Variants in UBE2O observed in about 807,000 individuals in gnomAD.
UBE2O encodes the protein (E3-independent) E2 ubiquitin-conjugating enzyme.
Under a neutral mutation model 125.8 loss-of-function variants are expected in UBE2O, and 15 were observed. That is an observed-to-expected ratio of 0.12 (90% CI 0.08 to 0.18). UBE2O has a LOEUF of 0.18. Among genes scored for constraint, UBE2O ranks in the 10% least tolerant of loss-of-function variants. The pLI is 1.00. For synonymous variants in UBE2O, 708 were observed against 703.2 expected (o/e 1.01, Z -0.11); for missense variants, 1,280 against 1,723.6 (o/e 0.74, Z 4.56).
intron 1 of UBE2O, among the ~76,000 whole-genome samples, chr17:76,420,436 G>A (rs115768156): frequency 6.6e-5 from 10 of 152,078 alleles, no homozygotes; most frequent in African/African-American, 2.4e-4. Flanking sequence ...TGTGATTTTA[G>A]ATCAATCCCA....
intron 1 of UBE2O, among the ~76,000 whole-genome samples, chr17:76,434,792 T>A (rs1290623200): frequency 2.0e-5 from 3 of 150,698 alleles, no homozygotes; most frequent in South Asian, 2.1e-4. Context: ...TTTTTTTTTT[T>A]TTAAAAAAAC....
intron 1 of UBE2O, among the ~76,000 whole-genome samples, chr17:76,440,492 T>A (rs1408332086): frequency 6.6e-6 from 1 of 152,134 alleles, no homozygotes; most frequent in Non-Finnish European, 1.5e-5. Flanking sequence ...CACGCTAAGA[T>A]GATTTCTGTA....
At chr17:76,392,588 C>T (rs1408484232) in intron 15 of UBE2O, among the ~76,000 whole-genome samples, 1 of 152,052 alleles carries the variant, frequency 6.6e-6, no homozygotes, top group Non-Finnish European at 1.5e-5. Context: ...ATCATTGAAC[C>T]CTGGCTAAGA....
chr17:76,431,143 G>A lies in UBE2O; in HGVS notation c.417+21582C>T, dbSNP rs766070466. ...CCTCCATGGTTCCAGCCAAAAAAGA[G>A]GCAACCGGAGGTTTTTAATCTTTGT... On this transcript the variant is annotated intron_variant, in intron 1 of 17. Transcript: ENST00000319380. 1.9e-4 allele frequency: 32 copies of A among 169,106 alleles called. 1 individual carries two copies. In the South Asian group the frequency reaches 4.6e-3, roughly 24 times the overall value. 10.5% of individuals were successfully genotyped at this position (169,106 alleles called of 1,614,324 possible).
intron 1 of UBE2O, among the ~76,000 whole-genome samples, chr17:76,435,985 G>T (rs188980084): frequency 6.6e-6 from 1 of 152,358 alleles, no homozygotes; most frequent in Non-Finnish European, 1.5e-5. Flanking sequence ...GGTGGCTCAC[G>T]CCTGTAATCC....
chr17:76,391,373 G>A lies in UBE2O; in HGVS notation c.3449C>T (p.Ala1150Val), dbSNP rs756000381. ...NRIESWLETH[A>V]LLEKAQALPN... ...CAGTGCCTGGGCCTTCTCCAGCAGGGCATGGGTTTCCAGCCAGGACTCGAT... is the reference window on the plus strand; with the variant it reads ...CAGTGCCTGGGCCTTCTCCAGCAGGACATGGGTTTCCAGCCAGGACTCGAT... Residue 1150 changes from alanine (A) to valine (V), a missense_variant, in exon 18 of 18, where the codon GCC becomes GTC. Transcript: ENST00000319380. The surrounding 1 kb of genome is among the most constrained non-coding windows in gnomAD (Gnocchi z 8.4). 15 of 1,613,156 alleles carry A rather than the reference G, an allele frequency of 9.3e-6. No individual in the cohort carries two copies. In the Middle Eastern group the frequency reaches 6.6e-4, roughly 71 times the overall value.
In UBE2O at chr17:76,452,291, A is replaced by AC. The variant is rs1173575338; in HGVS notation, c.417+433dup. ...CCTCTATCTTTGTTTTGGAATGCCCACAACCCCTCCCTGCACGGACCCGGC... is the reference window on the plus strand; with the variant it reads ...CCTCTATCTTTGTTTTGGAATGCCCACCAACCCCTCCCTGCACGGACCCGGC... On this transcript the variant is annotated intron_variant, in intron 1 of 17. Coordinates refer to ENST00000319380, the MANE Select transcript of UBE2O (RefSeq NM_022066.4). The surrounding 1 kb of genome is among the most constrained non-coding windows in gnomAD (Gnocchi z 4.4). Among the ~76,000 whole-genome samples the AC allele has an allele frequency of 6.6e-6, 1 of 152,202 alleles. No individual in the cohort carries two copies. The highest frequency in any genetic ancestry group is 1.5e-5 in the Non-Finnish European group (1 of 68,036).
chr17:76,399,138 A>G lies in UBE2O; in HGVS notation c.1629-147T>C, dbSNP rs2143698900. 9.0e-7 allele frequency: 1 copy of G among 1,115,372 alleles called. No individual in the cohort carries two copies. Among genetic ancestry groups the G allele is most frequent in the Non-Finnish European group, 1.2e-6 (1 of 800,096 alleles). The allele number at this position is 1,115,372 out of a possible 1,614,324, so 69.1% of individuals were successfully genotyped here. A position where few individuals can be genotyped will look rare whatever the true frequency, so the allele number is the denominator to read the frequency against. On this transcript the variant is annotated intron_variant, in intron 9 of 17. Coordinates refer to ENST00000319380, the MANE Select transcript of UBE2O (RefSeq NM_022066.4). The surrounding 1 kb of genome is among the most constrained non-coding windows in gnomAD (Gnocchi z 6.9). ...TTGGCAGGATGAGTCTCTGGTGCAC[A>G]GGAAGCTCACCCAGGGTTCCAAGGC... is the stretch of plus-strand genomic sequence containing the variant.
At position 76,453,109 on chromosome 17, in the gene UBE2O, AGCTGCGGGCGTGGGG is replaced by A; in HGVS notation, c.18_32del (p.Thr8_Pro12del). The A allele has an allele frequency of 1.1e-6, 1 of 878,292 alleles. No individual in the cohort carries two copies. Among genetic ancestry groups the A allele is most frequent in the Non-Finnish European group, 1.6e-6 (1 of 641,036 alleles). The allele number at this position is 878,292 out of a possible 1,614,324, so 54.4% of individuals were successfully genotyped here. A position where few individuals can be genotyped will look rare whatever the true frequency, so the allele number is the denominator to read the frequency against. On this transcript the variant is annotated inframe_deletion, in exon 1 of 18. Coordinates refer to ENST00000319380, the MANE Select transcript of UBE2O (RefSeq NM_022066.4). ...GAGCCGGGGCCTGGGCTGGAGCGGGAGCTGCGGGCGTGGGGGCTGCGGGATCCGCCATAACTGCTC... is the reference window on the plus strand; with the variant it reads ...GAGCCGGGGCCTGGGCTGGAGCGGGAGCTGCGGGATCCGCCATAACTGCTC...
chr17:76,420,495 AC>A (rs1422845924), intron 1 of UBE2O, among the ~76,000 whole-genome samples: 1 of 152,070 alleles, frequency 6.6e-6, no homozygotes, highest in Non-Finnish European at 1.5e-5. Context: ...CAAACACACC[AC>A]CGAGCAACCC....
At chr17:76,416,614 G>A (rs186407665) in intron 1 of UBE2O, among the ~76,000 whole-genome samples, 6 of 152,260 alleles carry the variant, frequency 3.9e-5, no homozygotes, top group East Asian at 1.9e-4. Flanking sequence ...CAACCTCCCC[G>A]CGCTTCTCAA....
intron 1 of UBE2O, among the ~76,000 whole-genome samples, chr17:76,446,698 G>A (rs2143917206): frequency 6.6e-6 from 1 of 152,336 alleles, no homozygotes; most frequent in Middle Eastern, 3.4e-3. Flanking sequence ...AGGAGGTCAA[G>A]TTGGAGCTCC....
chr17:76,395,128 G>A lies in UBE2O; in HGVS notation c.2946+597C>T, dbSNP rs1027053449. Among the ~76,000 whole-genome samples the A allele has an allele frequency of 9.9e-5, 15 of 151,834 alleles. No homozygotes were observed. The highest frequency in any genetic ancestry group is 3.6e-4 in the African/African-American group (15 of 41,330). Reference sequence around the variant, plus strand: ...TGACCTCAGGTGATCCACCTGCCTCGGCTTCCCGAAGTGCTGGGATTACAG... The same window carrying A: ...TGACCTCAGGTGATCCACCTGCCTCAGCTTCCCGAAGTGCTGGGATTACAG... On this transcript the variant is annotated intron_variant, in intron 15 of 17. Coordinates refer to ENST00000319380, the MANE Select transcript of UBE2O (RefSeq NM_022066.4). This position sits in a 1 kb window ranked among gnomAD's most constrained non-coding sequence, Gnocchi z 5.0.
chr17:76,450,082 C>CAAAAAAAAA (rs59424179), intron 1 of UBE2O, among the ~76,000 whole-genome samples: 1 of 140,252 alleles, frequency 7.1e-6, no homozygotes, highest in Non-Finnish European at 1.6e-5. Flanking sequence ...ACCAGTAACT[C>CAAAAAAAAA]AAAAAAAAAA....
rs58377572 is a variant in UBE2O at position 76,425,225 on chromosome 17, C to CAAAA, written c.418-19657_418-19654dup. ...TGGTCACTTCTCAAGGTCCTTTCGA[C>CAAAA]AAAAAAAAAAAAAAAAAAAAAAAAA... On this transcript the variant is annotated intron_variant, in intron 1 of 17. Coordinates refer to ENST00000319380, the MANE Select transcript of UBE2O (RefSeq NM_022066.4). Among the ~76,000 whole-genome samples the CAAAA allele has an allele frequency of 2.4e-3, 231 of 94,756 alleles. 1 individual carries two copies. Among genetic ancestry groups the CAAAA allele is most frequent in the African/African-American group, 4.5e-3 (131 of 28,916 alleles). 62.2% of individuals were successfully genotyped at this position (94,756 alleles called of 152,430 possible).
At chr17:76,442,705 G>A (rs2073092584) in intron 1 of UBE2O, among the ~76,000 whole-genome samples, 1 of 152,106 alleles carries the variant, frequency 6.6e-6, no homozygotes, top group African/African-American at 2.4e-5. Flanking sequence ...ATGTGTAGGT[G>A]AGGGGCCCTG....
chr17:76,390,642 A>C lies in UBE2O; in HGVS notation c.*301T>G. ...CTGGAACACCCGCCTCTGACCTGAGAAGGGGCAGCAAGGGAGCAAGTGCCG... is the reference window on the plus strand; with the variant it reads ...CTGGAACACCCGCCTCTGACCTGAGCAGGGGCAGCAAGGGAGCAAGTGCCG... On this transcript the variant is annotated 3_prime_UTR_variant, in exon 18 of 18. Coordinates refer to ENST00000319380, the MANE Select transcript of UBE2O (RefSeq NM_022066.4). The C allele has an allele frequency of 3.4e-6, 1 of 297,880 alleles. No individual in the cohort carries two copies. The highest frequency in any genetic ancestry group is 6.3e-6 in the Non-Finnish European group (1 of 159,142). 18.5% of individuals were successfully genotyped at this position (297,880 alleles called of 1,614,324 possible).
At chr17:76,394,073 T>G (rs1598579498) in intron 15 of UBE2O, among the ~76,000 whole-genome samples, 1 of 152,134 alleles carries the variant, frequency 6.6e-6, no homozygotes, top group African/African-American at 2.4e-5. Context: ...ACCAAAAGCG[T>G]TATTAAGAAT....
At chr17:76,441,612 T>C (rs1234713930) in intron 1 of UBE2O, among the ~76,000 whole-genome samples, 1 of 152,126 alleles carries the variant, frequency 6.6e-6, no homozygotes, top group Non-Finnish European at 1.5e-5. Context: ...CAAAAGACAG[T>C]CCCAGCCAGC....
Sources: gnomAD v4.1 joint callset for allele counts (sites outside exome capture counted in the v4.1 genomes callset) on GRCh38, gnomAD v4.1.1 for gene constraint, Gnocchi (gnomAD v3.1) non-coding constraint, MANE v1.5 for transcripts, NCBI Gene and HGNC (gene_info 2026-07-23, HGNC 2026-07-21) for gene names.